ZNF718: variants seen among roughly 807,000 people sequenced by gnomAD.
ZNF718 encodes zinc finger protein 718.
Under a neutral mutation model 2.6 loss-of-function variants are expected in ZNF718, and 3 were observed. That is an observed-to-expected ratio of 1.16 (90% CI 0.53 to 3.01). ZNF718 has a LOEUF of 3.01. ZNF718 is among the 30% of genes most tolerant of loss of function. ZNF718 has a pLI of 0.03. For synonymous variants in ZNF718, 135 were observed against 77.9 expected (o/e 1.73, Z -3.86); for missense variants, 468 against 230.0 (o/e 2.03, Z -6.69).
At chr4:145,937 A>G (rs1716032744) in intron 3 of ZNF718, among the ~76,000 whole-genome samples, 1 of 151,992 alleles carries the variant, frequency 6.6e-6, no homozygotes, top group African/African-American at 2.4e-5. Flanking sequence ...TTAACACACT[A>G]TTTATGTCAC....
chr4:133,195 A>AAAATATATAT (rs1258303094), intron 3 of ZNF718, among the ~76,000 whole-genome samples: 1 of 20,780 alleles, frequency 4.8e-5, no homozygotes, highest in Non-Finnish European at 8.8e-5. Flanking sequence ...AAAAAAAAAA[A>AAAATATATAT]ATATATATAT....
chr4:135,657 T>G (rs2108782480), intron 3 of ZNF718, among the ~76,000 whole-genome samples: 1 of 145,122 alleles, frequency 6.9e-6, no homozygotes, highest in Middle Eastern at 3.5e-3. Context: ...CAAGATTTAT[T>G]TTCCTTTCAC....
intron 3 of ZNF718, among the ~76,000 whole-genome samples, chr4:184,852 G>A (rs1717536723): frequency 6.6e-6 from 1 of 152,120 alleles, no homozygotes; most frequent in Non-Finnish European, 1.5e-5. Context: ...GGAGTCAGTA[G>A]TAATATCTCT....
intron 3 of ZNF718, among the ~76,000 whole-genome samples, chr4:174,611 C>A (rs549841677): frequency 6.6e-6 from 1 of 152,160 alleles, no homozygotes; most frequent in Non-Finnish European, 1.5e-5. Flanking sequence ...AACAAGAAAC[C>A]TAGCTAACAG....
intron 3 of ZNF718, among the ~76,000 whole-genome samples, chr4:141,860 G>A (rs1715826023): frequency 6.6e-6 from 1 of 152,088 alleles, no homozygotes; most frequent in South Asian, 2.1e-4. Flanking sequence ...TTGGTCACCT[G>A]GTGGGCCATT....
chr4:177,065 C>T (rs1178097492), intron 3 of ZNF718, among the ~76,000 whole-genome samples: 2 of 152,170 alleles, frequency 1.3e-5, no homozygotes, highest in Non-Finnish European at 2.9e-5. Flanking sequence ...GGTGATGCTT[C>T]TCTGCTGTTA....
chr4:161,883 T>A lies in ZNF718; in HGVS notation c.1198T>A (p.Cys400Ser). Residue 400 changes from cysteine (C) to serine (S), a missense_variant, in exon 4 of 4, where the codon TGT becomes AGT. Cys to Ser is a moderately radical substitution (Grantham distance 112). Transcript: ENST00000510175. ...AAAAAATCCCTACAAATGTGAAGATTGTGGCAAAGCCTTTAAAGTGTTTGC... is the reference window on the plus strand; with the variant it reads ...AAAAAATCCCTACAAATGTGAAGATAGTGGCAAAGCCTTTAAAGTGTTTGC... ...SGKNPYKCED[C>S]GKAFKVFANL... 1.3e-6 allele frequency: 1 copy of A among 780,686 alleles called. No individual in the cohort carries two copies. The highest frequency in any genetic ancestry group is 1.7e-5 in the Admixed American group (1 of 58,980). The allele number at this position is 780,686 out of a possible 1,614,324, so 48.4% of individuals were successfully genotyped here.
At position 124,615 on chromosome 4, in the gene ZNF718, C is replaced by G; in HGVS notation, c.-56C>G. 2 of 1,602,452 alleles carry G rather than the reference C, an allele frequency of 1.2e-6. No individual in the cohort carries two copies. The highest frequency in any genetic ancestry group is 1.7e-6 in the Non-Finnish European group (2 of 1,178,558). On this transcript the variant is annotated 5_prime_UTR_variant, in exon 1 of 4. Coordinates refer to ENST00000510175, the MANE Select transcript of ZNF718 (RefSeq NM_001039127.6). ...GCCTCAGCCTCTGTGGCTCTGTGAC[C>G]TGCCGGTATTGGATGATTCGTATCT...
At chr4:174,797 G>A (rs782667058) in intron 3 of ZNF718, among the ~76,000 whole-genome samples, 1 of 152,102 alleles carries the variant, frequency 6.6e-6, no homozygotes. Context: ...GGGCATCCAC[G>A]GTCTTCACAA....
intron 3 of ZNF718, among the ~76,000 whole-genome samples, chr4:171,921 G>T (rs543066114): frequency 6.6e-6 from 1 of 152,302 alleles, no homozygotes; most frequent in East Asian, 1.9e-4. Flanking sequence ...GAAATCACAC[G>T]TCTTCTGCGT....
chr4:167,687 TG>T (rs1427509223), downstream of ZNF718, among the ~76,000 whole-genome samples: 1 of 152,180 alleles, frequency 6.6e-6, no homozygotes, highest in Non-Finnish European at 1.5e-5. Flanking sequence ...TTGGGATTTT[TG>T]CACATTGATT....
chr4:155,043 T>C (rs1279979416), intron 3 of ZNF718, among the ~76,000 whole-genome samples: 16 of 152,156 alleles, frequency 1.1e-4, no homozygotes, highest in African/African-American at 3.9e-4. Context: ...CTTCAGAGGG[T>C]CCAAGCCCCA....
rs149462746 is a variant in ZNF718 at position 173,317 on chromosome 4, A to G, written c.227-27764A>G. On this transcript the variant is annotated intron_variant and NMD_transcript_variant, in intron 3 of 4. Transcript: ENST00000642529. ...TACTCTGATTTTATTACCTTCGTTAATACAAATTTATTTATTGAGCTATTT... is the reference window on the plus strand; with the variant it reads ...TACTCTGATTTTATTACCTTCGTTAGTACAAATTTATTTATTGAGCTATTT... 5.1e-3 allele frequency among the ~76,000 whole-genome samples: 782 copies of G among 152,306 alleles called. 4 individuals carry two copies. Among genetic ancestry groups the G allele is most frequent in the African/African-American group, 0.018 (749 of 41,558 alleles).
intron 3 of ZNF718, among the ~76,000 whole-genome samples, chr4:173,339 A>T (rs1364200208): frequency 6.6e-6 from 1 of 152,172 alleles, no homozygotes; most frequent in Non-Finnish European, 1.5e-5. Flanking sequence ...TTATTGAGCT[A>T]TTTCACTCGT....
chr4:159,450 T>C (rs367998284), intron 3 of ZNF718, among the ~76,000 whole-genome samples: 29 of 152,084 alleles, frequency 1.9e-4, no homozygotes, highest in African/African-American at 6.3e-4. Context: ...AAATGACACA[T>C]CACTTTTACC....
In ZNF718 at chr4:132,310, T is replaced by C. The variant is rs1715370022; in HGVS notation, c.226+805T>C. Among the ~76,000 whole-genome samples, 2 of 103,756 alleles carry C rather than the reference T, an allele frequency of 1.9e-5. 1 individual carries two copies. The highest frequency in any genetic ancestry group is 2.1e-4 in the Admixed American group (2 of 9,646). The allele number at this position is 103,756 out of a possible 152,430, so 68.1% of individuals were successfully genotyped here. A position where few individuals can be genotyped will look rare whatever the true frequency, so the allele number is the denominator to read the frequency against. ...CTGCATTTTTTCTCTTAGGGTCATC[T>C]TCTCTCCCATGCTCTTAAATCTAAG... On this transcript the variant is annotated intron_variant, in intron 3 of 3. Coordinates refer to ENST00000510175, the MANE Select transcript of ZNF718 (RefSeq NM_001039127.6).
chr4:200,345 C>G (rs1553822592), intron 3 of ZNF718, among the ~76,000 whole-genome samples: 17 of 152,214 alleles, frequency 1.1e-4, no homozygotes. Flanking sequence ...TCACTGCAAC[C>G]TCTGCCTCCT....
At chr4:175,417 G>A (rs1360887305) in intron 3 of ZNF718, among the ~76,000 whole-genome samples, 1 of 152,188 alleles carries the variant, frequency 6.6e-6, no homozygotes, top group African/African-American at 2.4e-5. Context: ...CCAGAACTCA[G>A]CTACTGTTGT....
intron 3 of ZNF718, among the ~76,000 whole-genome samples, chr4:141,653 A>C (rs782310685): frequency 1.3e-5 from 2 of 152,168 alleles, no homozygotes; most frequent in Non-Finnish European, 2.9e-5. Context: ...ATTTTTGTGA[A>C]TAATACTAAT....
Sources: allele counts gnomAD v4.1 joint callset (sites outside exome capture counted in the v4.1 genomes callset), GRCh38; gene constraint gnomAD v4.1.1; transcripts MANE v1.5; gene names NCBI Gene and HGNC (gene_info 2026-07-23, HGNC 2026-07-21).